The following PTPRN2 variants were observed in gnomAD, a reference collection of about 807,000 sequenced individuals.
The protein encoded by PTPRN2 is receptor-type tyrosine-protein phosphatase N2.
A neutral mutation model predicts 118.8 loss-of-function variants in PTPRN2; 74 were observed. The observed-to-expected ratio is 0.62, with a 90% confidence interval of 0.52 to 0.76. The LOEUF (loss-of-function observed/expected upper bound fraction) is 0.76. Ranked by LOEUF, PTPRN2 falls within the 30% of genes least tolerant of loss-of-function variation. The probability of loss-of-function intolerance (pLI) is 0.00; values close to 1 mark genes in which losing one functional copy is unlikely to be tolerated. For missense variants in PTPRN2, 1,481 were observed against 1,394.4 expected (o/e 1.06, Z -0.99); for synonymous variants, 641 against 608.0 (o/e 1.05, Z -0.80).
At chr7:158,405,906 C>T (rs1813377629) in intron 2 of PTPRN2, among the ~76,000 whole-genome samples, 1 of 144,794 alleles carries the variant, frequency 6.9e-6, no homozygotes, top group Admixed American at 6.9e-5. Flanking sequence ...CCCGCAGTGG[C>T]TCATCCGTGA....
At chr7:157,709,720 A>G (rs986598865) in intron 12 of PTPRN2, among the ~76,000 whole-genome samples, 2 of 152,224 alleles carry the variant, frequency 1.3e-5, no homozygotes, top group African/African-American at 4.8e-5. Context: ...CTTCAGATTC[A>G]GCCCGGCGTG....
rs149435578 is a variant in PTPRN2, at chr7:157,901,361, C to T, written c.1724-2624G>A. On this transcript the variant is annotated intron_variant, in intron 11 of 22. Coordinates refer to ENST00000389418, the MANE Select transcript of PTPRN2 (RefSeq NM_002847.5). ...CAGATGCAGAGTCACACATGGGGAC[C>T]GAATTTCAACATGAGGCATGGCGGG... 3.2e-3 allele frequency among the ~76,000 whole-genome samples: 480 copies of T among 151,978 alleles called. 1 individual carries two copies. Among genetic ancestry groups the T allele is most frequent in the Middle Eastern group, 0.017 (5 of 294 alleles).
chr7:158,410,433 C>CA (rs1053613915), intron 2 of PTPRN2, among the ~76,000 whole-genome samples: 1 of 152,102 alleles, frequency 6.6e-6, no homozygotes, highest in African/African-American at 2.4e-5. Context: ...GATGAAGTGA[C>CA]AGAGTAGACA....
intron 21 of PTPRN2, among the ~76,000 whole-genome samples, chr7:157,566,333 T>TGGGTCTGCAGTGG (rs1399819729): frequency 5.3e-5 from 8 of 152,228 alleles, no homozygotes; most frequent in South Asian, 4.1e-4. Context: ...TGAGAAACGC[T>TGGGTCTGCAGTGG]GGGTCTGCAG....
At chr7:157,927,258 A>G (rs1322321007) in intron 11 of PTPRN2, among the ~76,000 whole-genome samples, 588 of 53,686 alleles carry the variant, frequency 0.011, 144 homozygotes, top group Non-Finnish European at 0.016. Context: ...GTCTTCTGGG[A>G]CCCCAAAGAT....
chr7:157,886,951 C>T (rs11974812), intron 12 of PTPRN2, among the ~76,000 whole-genome samples: 2 of 84,018 alleles, frequency 2.4e-5, no homozygotes, highest in Admixed American at 1.4e-4. Flanking sequence ...TCGAGGTCCT[C>T]GTCAGCTGAG....
At chr7:157,771,812 GACAC>G (rs1178491415) in intron 12 of PTPRN2, among the ~76,000 whole-genome samples, 1 of 137,836 alleles carries the variant, frequency 7.3e-6, no homozygotes, top group African/African-American at 3.0e-5. Context: ...CAAACACACA[GACAC>G]AGACACAGAA....
intron 2 of PTPRN2, among the ~76,000 whole-genome samples, chr7:158,484,250 G>A (rs1279271348): frequency 6.6e-6 from 1 of 152,172 alleles, no homozygotes; most frequent in African/African-American, 2.4e-5. Context: ...AAGGGAACCT[G>A]CCCCTCTGCC....
At chr7:157,819,124 G>C (rs1806629314) in intron 12 of PTPRN2, among the ~76,000 whole-genome samples, 1 of 152,174 alleles carries the variant, frequency 6.6e-6, no homozygotes. Context: ...CTGGGCCTGG[G>C]TCCACAGTGG....
chr7:158,395,129 G>A (rs1812244701), intron 2 of PTPRN2, among the ~76,000 whole-genome samples: 1 of 151,986 alleles, frequency 6.6e-6, no homozygotes, highest in South Asian at 2.1e-4. Context: ...TTTTCGCCTG[G>A]GTGGTCTGCA....
chr7:158,245,092 C>T (rs994051408), intron 3 of PTPRN2, among the ~76,000 whole-genome samples: 12 of 152,342 alleles, frequency 7.9e-5, no homozygotes, highest in Admixed American at 4.6e-4. Context: ...GCATCTGCAG[C>T]GTGGTCAGCA....
chr7:157,571,263 G>A (rs1489562780), intron 20 of PTPRN2, among the ~76,000 whole-genome samples, 177 bp downstream of exon 20: 1 of 145,268 alleles, frequency 6.9e-6, no homozygotes, highest in African/African-American at 2.5e-5. Flanking sequence ...TACAAGCAAC[G>A]CCCAATTGTA....
intron 2 of PTPRN2, among the ~76,000 whole-genome samples, chr7:158,441,459 G>GATGGTA (rs1299745886): frequency 1.4e-5 from 2 of 148,052 alleles, no homozygotes; most frequent in Non-Finnish European, 3.0e-5. Context: ...CAGTGGTGGT[G>GATGGTA]ATAGTGATGG....
intron 10 of PTPRN2, among the ~76,000 whole-genome samples, chr7:158,110,249 G>A (rs574057447): frequency 2.0e-5 from 3 of 152,352 alleles, no homozygotes; most frequent in African/African-American, 7.2e-5. Context: ...CTTCACATAT[G>A]CACGCATGGT....
At chr7:157,892,878 C>T (rs966918349) in intron 12 of PTPRN2, among the ~76,000 whole-genome samples, 21 of 152,220 alleles carry the variant, frequency 1.4e-4, no homozygotes, top group African/African-American at 3.9e-4. Context: ...GGAGATGCAT[C>T]CAGGAATAAG....
intron 2 of PTPRN2, among the ~76,000 whole-genome samples, chr7:158,424,275 T>C (rs1296900001): frequency 1.3e-5 from 2 of 152,214 alleles, no homozygotes; most frequent in Admixed American, 6.5e-5. Flanking sequence ...ACTGCCCACG[T>C]GGAAGAAAAG....
At chr7:158,180,320 TTCCATTGG>T (rs1460156078) in intron 5 of PTPRN2, among the ~76,000 whole-genome samples, 1 of 152,256 alleles carries the variant, frequency 6.6e-6, no homozygotes, top group African/African-American at 2.4e-5. Flanking sequence ...CTTTATTCTG[TTCCATTGG>T]TCTATGTGCC....
intron 6 of PTPRN2, among the ~76,000 whole-genome samples, chr7:158,153,306 G>A (rs1821382068): frequency 1.3e-5 from 2 of 152,280 alleles, no homozygotes; most frequent in African/African-American, 4.8e-5. Flanking sequence ...GTACACTAAG[G>A]CAAGAACCCA....
intron 5 of PTPRN2, among the ~76,000 whole-genome samples, chr7:158,172,186 G>T (rs1823761233): frequency 6.6e-6 from 1 of 152,180 alleles, no homozygotes; most frequent in African/African-American, 2.4e-5. Context: ...GCCCAATCCT[G>T]TCAGTTCTGT....
Sources: gnomAD v4.1 joint callset for allele counts (sites outside exome capture counted in the v4.1 genomes callset) on GRCh38, gnomAD v4.1.1 for gene constraint, MANE v1.5 for transcripts, NCBI Gene and HGNC (gene_info 2026-07-23, HGNC 2026-07-21) for gene names.